The following DDX46 variants were observed in gnomAD, a reference collection of about 807,000 sequenced individuals.
The protein encoded by DDX46 is probable ATP-dependent RNA helicase DDX46.
Under a neutral mutation model 134.9 loss-of-function variants are expected in DDX46, and 30 were observed. That is an observed-to-expected ratio of 0.22 (90% CI 0.17 to 0.30). The LOEUF (loss-of-function observed/expected upper bound fraction) is 0.30, where lower values mean the gene tolerates loss of function less well. DDX46 is among the 10% of genes least tolerant of loss of function. The pLI, the probability that DDX46 is intolerant of heterozygous loss-of-function variation, is 1.00. For synonymous variants in DDX46, 415 were observed against 404.1 expected (o/e 1.03, Z -0.32); for missense variants, 622 against 1,248.7 (o/e 0.50, Z 7.56).
chr5:134,775,472 C>G (rs764161103), intron 5 of DDX46, among the ~76,000 whole-genome samples: 3 of 151,874 alleles, frequency 2.0e-5, no homozygotes, highest in Non-Finnish European at 4.4e-5. Context: ...AGTGCAGTGC[C>G]GTGATCTCGG....
At chr5:134,775,995 G>C (rs1753922754) in intron 5 of DDX46, among the ~76,000 whole-genome samples, 1 of 152,100 alleles carries the variant, frequency 6.6e-6, no homozygotes, top group Non-Finnish European at 1.5e-5. Flanking sequence ...CCTGCTTACT[G>C]TTCACCAATA....
intron 11 of DDX46, among the ~76,000 whole-genome samples, chr5:134,786,820 G>T (rs1754351201): frequency 6.6e-6 from 1 of 152,172 alleles, no homozygotes; most frequent in African/African-American, 2.4e-5. Flanking sequence ...ACTCCAGCCT[G>T]GGAGACAGAG....
chr5:134,820,864 C>CT (rs1180909732), intron 21 of DDX46, among the ~76,000 whole-genome samples: 5,396 of 123,174 alleles, frequency 0.044, 148 homozygotes, highest in African/African-American at 0.06. Context: ...CTTTTCTTTT[C>CT]TTTTTTTTTT....
In DDX46 at chr5:134,764,090, G is replaced by A. The variant is rs755194617; in HGVS notation, c.204G>A (p.Leu68=). The A allele has an allele frequency of 2.5e-6, 4 of 1,598,716 alleles. No homozygotes were observed. Among genetic ancestry groups the A allele is most frequent in the Non-Finnish European group, 8.5e-7 (1 of 1,172,756 alleles). ...RRSRSRDRKR[L]RRSRSRERDR... The stretch of plus-strand genomic sequence containing the variant: ...CTCGGTCAAGGGACAGGAAGCGTCT[G>A]AGGTAAGACATTAATTAATTTCCAA... The change falls in exon 2 of 23, where the codon CTG becomes CTA. Residue 68 remains leucine (L), a splice_region_variant and synonymous_variant. Coordinates refer to ENST00000452510, the MANE Select transcript of DDX46 (RefSeq NM_001300860.2).
chr5:134,775,723 A>C (rs1164502177), intron 5 of DDX46, among the ~76,000 whole-genome samples: 1 of 152,140 alleles, frequency 6.6e-6, no homozygotes, highest in Admixed American at 6.6e-5. Context: ...CAAACGCCTG[A>C]CCTCGTGATC....
At chr5:134,761,815 TCCA>T (rs1254189673) in intron 1 of DDX46, among the ~76,000 whole-genome samples, 1 of 152,188 alleles carries the variant, frequency 6.6e-6, no homozygotes, top group African/African-American at 2.4e-5. Flanking sequence ...TCAAAATCTT[TCCA>T]CCTTCCATTT....
intron 6 of DDX46, chr5:134,780,892 T>TG (rs1754131934): frequency 3.9e-6 from 1 of 256,230 alleles, no homozygotes; most frequent in African/African-American, 2.3e-5. Context: ...TAACTGGGTT[T>TG]GGTGACATGT....
chr5:134,783,101 T>C (rs754425222), intron 9 of DDX46, 36 bp downstream of exon 9: 21 of 1,607,480 alleles, frequency 1.3e-5, no homozygotes, highest in Non-Finnish European at 1.8e-5. Context: ...TTTCCGTGTC[T>C]TGCTGCTCAA....
chr5:134,763,883 A>G (rs771968578), intron 1 of DDX46, 21 bp from the exon 2 acceptor site: 16 of 1,599,406 alleles, frequency 1.0e-5, no homozygotes, highest in East Asian at 6.7e-5. Context: ...GCTGAACTTA[A>G]TCTTTGACTT....
intron 11 of DDX46, 130 bp from the exon 12 acceptor site, chr5:134,788,383 C>T (rs550486585): frequency 4.5e-5 from 29 of 645,122 alleles, no homozygotes; most frequent in Middle Eastern, 4.5e-4. Context: ...AGTAGTGCCC[C>T]GAGATTCAAA....
At chr5:134,817,372 A>G (rs1448901172) in intron 19 of DDX46, 124 bp from the exon 20 acceptor site, 1 of 893,536 alleles carries the variant, frequency 1.1e-6, no homozygotes, top group Non-Finnish European at 1.7e-6. Flanking sequence ...ACTATGCATT[A>G]GAAAGGTTTA....
chr5:134,799,518 A>G (rs1186479067), intron 15 of DDX46, among the ~76,000 whole-genome samples: 1 of 151,824 alleles, frequency 6.6e-6, no homozygotes, highest in Admixed American at 6.6e-5. Flanking sequence ...CGGGTGGATC[A>G]CTTGAGCTCA....
chr5:134,813,105 C>T (rs1227783913), intron 18 of DDX46, among the ~76,000 whole-genome samples: 1 of 152,094 alleles, frequency 6.6e-6, no homozygotes, highest in East Asian at 1.9e-4. Context: ...CCATGCTTGG[C>T]TAATTTTTTT....
intron 7 of DDX46, 28 bp from the exon 8 acceptor site, chr5:134,781,893 C>T (rs760926983): frequency 1.5e-5 from 23 of 1,585,694 alleles, no homozygotes; most frequent in East Asian, 4.5e-5. Flanking sequence ...ATGAACTTAG[C>T]GCTTTAATTT....
chr5:134,796,114 A>G lies in DDX46; in HGVS notation c.1918A>G (p.Met640Val). ...EHADGLLKDL[M>V]RASYPCMSLH... ...TGCTGATGGTCTTCTTAAGGATTTA[A>G]TGAGAGCATCTTATCCTTGCATGTC... is the stretch of plus-strand genomic sequence containing the variant. The change falls in exon 15 of 23, where the codon ATG becomes GTG. Residue 640 changes from methionine (M) to valine (V), a missense_variant. By Grantham distance (21) the Met-to-Val change is conservative. Coordinates refer to ENST00000452510, the MANE Select transcript of DDX46 (RefSeq NM_001300860.2). 1 of 1,613,848 alleles carries G rather than the reference A, an allele frequency of 6.2e-7. No homozygotes were observed. The highest frequency in any genetic ancestry group is 8.5e-7 in the Non-Finnish European group (1 of 1,179,938).
intron 15 of DDX46, among the ~76,000 whole-genome samples, chr5:134,804,533 T>TG (rs924913566): frequency 4.6e-5 from 7 of 152,000 alleles, no homozygotes; most frequent in African/African-American, 1.4e-4. Flanking sequence ...AACCTCTCTT[T>TG]GCTCAGGTGA....
At chr5:134,790,424 C>T in intron 12 of DDX46, 46 bp from the exon 13 acceptor site, 1 of 1,546,140 alleles carries the variant, frequency 6.5e-7, no homozygotes, top group Non-Finnish European at 8.8e-7. Context: ...TGAATTGTGA[C>T]TGATTTTTAG....
intron 4 of DDX46, among the ~76,000 whole-genome samples, chr5:134,773,475 T>C (rs1027390056): frequency 1.3e-5 from 2 of 152,218 alleles, no homozygotes; most frequent in Non-Finnish European, 2.9e-5. Flanking sequence ...GGCTTTCTTA[T>C]TTGAAGATGC....
intron 19 of DDX46, 82 bp downstream of exon 19, chr5:134,816,688 G>A (rs1755296281): frequency 7.4e-7 from 1 of 1,349,502 alleles, no homozygotes; most frequent in South Asian, 1.3e-5. Flanking sequence ...TTGAACACAA[G>A]TAAACAAGTT....
Sources: gnomAD v4.1 joint callset for allele counts (sites outside exome capture counted in the v4.1 genomes callset) on GRCh38, gnomAD v4.1.1 for gene constraint, MANE v1.5 for transcripts, NCBI Gene and HGNC (gene_info 2026-07-23, HGNC 2026-07-21) for gene names.